Variants in CNTN1 observed in about 807,000 individuals in gnomAD.
The protein encoded by CNTN1 is contactin 1.
CNTN1 carries 38 observed loss-of-function variants against 126.4 expected under a neutral mutation model. The observed-to-expected ratio is 0.30, with a 90% CI of 0.23 to 0.39. The LOEUF (loss-of-function observed/expected upper bound fraction) is 0.39, where lower values mean the gene tolerates loss of function less well. Among genes scored for constraint, CNTN1 ranks in the 10% least tolerant of loss-of-function variants. CNTN1 has a pLI of 1.00. For synonymous variants in CNTN1, 413 were observed against 422.6 expected (o/e 0.98, Z 0.28); for missense variants, 1,009 against 1,248.4 (o/e 0.81, Z 2.89).
Position 40,993,263 on chromosome 12 carries a change from G to T in CNTN1, c.2107G>T (p.Gly703Cys). Reference protein sequence around the residue: ...SIPSNRIKTDGAAPNVAPSDV... With the variant: ...SIPSNRIKTDCAAPNVAPSDV... ...ACCATCTAACAGAATTAAAACAGACGGTGCTGGTATGTATATACAAGAAAC... is the reference window on the plus strand; with the variant it reads ...ACCATCTAACAGAATTAAAACAGACTGTGCTGGTATGTATATACAAGAAAC... The change falls in exon 17 of 24, where the codon GGT becomes TGT. Residue 703 changes from glycine (G) to cysteine (C), a missense_variant. Transcript: ENST00000551295. The T allele has an allele frequency of 2.5e-6, 4 of 1,613,354 alleles. No homozygotes were observed. The highest frequency in any genetic ancestry group is 3.4e-6 in the Non-Finnish European group (4 of 1,179,522).
intron 1 of CNTN1, among the ~76,000 whole-genome samples, chr12:40,894,631 T>C (rs764861547): frequency 6.6e-6 from 1 of 152,210 alleles, no homozygotes; most frequent in Admixed American, 6.5e-5. Context: ...GACCCATTTT[T>C]TCTCCAGTCC....
chr12:40,986,600 G>T (rs1947959762), intron 16 of CNTN1, among the ~76,000 whole-genome samples: 1 of 152,158 alleles, frequency 6.6e-6, no homozygotes, highest in Non-Finnish European at 1.5e-5. Context: ...CTGATAATCA[G>T]TCTAAAGCCC....
chr12:40,936,359 A>C (rs1357106723), intron 9 of CNTN1, among the ~76,000 whole-genome samples: 42 of 152,270 alleles, frequency 2.8e-4, no homozygotes, highest in African/African-American at 9.9e-4. Context: ...AAGATAATGT[A>C]TACCTGAGGG....
intron 23 of CNTN1, among the ~76,000 whole-genome samples, chr12:41,044,695 C>A (rs1206132858): frequency 6.6e-6 from 1 of 151,674 alleles, no homozygotes; most frequent in Non-Finnish European, 1.5e-5. Flanking sequence ...GGAGGAACTC[C>A]CATATATAGT....
chr12:40,712,230 C>A (rs1056202583), intron 1 of CNTN1, among the ~76,000 whole-genome samples: 1 of 151,968 alleles, frequency 6.6e-6, no homozygotes, highest in African/African-American at 2.4e-5. Flanking sequence ...AATTTTTCTT[C>A]TTGGAAAAAA....
At chr12:40,822,468 G>T (rs1313950337) in intron 1 of CNTN1, among the ~76,000 whole-genome samples, 1 of 151,968 alleles carries the variant, frequency 6.6e-6, no homozygotes, top group Admixed American at 6.6e-5. Flanking sequence ...TACATGTTAT[G>T]ATTGGAATTG....
chr12:40,944,531 T>C (rs1566005663), intron 14 of CNTN1, among the ~76,000 whole-genome samples: 1 of 152,058 alleles, frequency 6.6e-6, no homozygotes, highest in Non-Finnish European at 1.5e-5. Flanking sequence ...ATCTTTGTTA[T>C]AATGATGATC....
chr12:40,771,573 T>A (rs571072762), intron 1 of CNTN1, among the ~76,000 whole-genome samples: 1 of 152,088 alleles, frequency 6.6e-6, no homozygotes, highest in Non-Finnish European at 1.5e-5. Flanking sequence ...AAGTCCTCAA[T>A]TCAGGATTAG....
rs184016249 is a variant in CNTN1 at position 40,804,546 on chromosome 12, T to C, written c.-76-103811T>C. On this transcript the variant is annotated intron_variant, in intron 1 of 23. Coordinates refer to ENST00000551295, the MANE Select transcript of CNTN1 (RefSeq NM_001843.4). Reference sequence around the variant, plus strand: ...ATTAGACTGAGGGATTGCAGTCACATGCCTCTGTTAATAACAGGATGGGTT... The same window carrying C: ...ATTAGACTGAGGGATTGCAGTCACACGCCTCTGTTAATAACAGGATGGGTT... Among the ~76,000 whole-genome samples, 702 of 152,146 alleles carry C rather than the reference T, an allele frequency of 4.6e-3. 19 individuals carry two copies. The highest frequency in any genetic ancestry group is 1.5e-3 in the Non-Finnish European group (101 of 67,960).
intron 17 of CNTN1, among the ~76,000 whole-genome samples, chr12:40,996,174 T>C (rs2120542021): frequency 6.6e-6 from 1 of 152,174 alleles, no homozygotes; most frequent in South Asian, 2.1e-4. Flanking sequence ...CAGTGGCTCT[T>C]TTTTTGGAGT....
Position 40,739,545 on chromosome 12 carries a change from G to C in CNTN1, c.-77+46953G>C, listed in dbSNP as rs540588150. ...TACTTATACTAAATATTTATTCATTGTTTATCTGAAATTCAAACTTAACAG... is the reference window on the plus strand; with the variant it reads ...TACTTATACTAAATATTTATTCATTCTTTATCTGAAATTCAAACTTAACAG... On this transcript the variant is annotated intron_variant, in intron 1 of 23. Transcript: ENST00000551295. Among the ~76,000 whole-genome samples the C allele has an allele frequency of 2.6e-5, 4 of 152,050 alleles. No homozygotes were observed. The South Asian group carries it at 8.3e-4, about 32-fold the overall frequency.
chr12:41,024,897 A>G (rs528335562), intron 20 of CNTN1, among the ~76,000 whole-genome samples: 21 of 151,902 alleles, frequency 1.4e-4, no homozygotes, highest in Admixed American at 1.1e-3. Context: ...TTTATTTTTT[A>G]TTTTTTTTAG....
intron 1 of CNTN1, among the ~76,000 whole-genome samples, chr12:40,766,699 G>A (rs1939112497): frequency 6.6e-6 from 1 of 152,178 alleles, no homozygotes; most frequent in Non-Finnish European, 1.5e-5. Flanking sequence ...AGGTGGTGGT[G>A]GAGGATGAGA....
chr12:41,069,826 A>C, intron 23 of CNTN1, 133 bp from the exon 24 acceptor site: 2 of 733,490 alleles, frequency 2.7e-6, no homozygotes, highest in African/African-American at 1.7e-5. Flanking sequence ...TGTAAGAATA[A>C]GAGATTCTGT....
chr12:40,830,791 G>GTGTATATA (rs1334401189), intron 1 of CNTN1, among the ~76,000 whole-genome samples: 2 of 75,830 alleles, frequency 2.6e-5, no homozygotes, highest in East Asian at 4.4e-4. Flanking sequence ...AAAGTATAGT[G>GTGTATATA]TATATATATA....
chr12:40,871,186 G>GAAAAAAAAAAA (rs201485882), intron 1 of CNTN1, among the ~76,000 whole-genome samples: 5 of 113,506 alleles, frequency 4.4e-5, no homozygotes, highest in Admixed American at 2.1e-4. Flanking sequence ...CTGTTACAGA[G>GAAAAAAAAAAA]AAAAAAAAAA....
chr12:40,797,584 T>C (rs1475264373), intron 1 of CNTN1, among the ~76,000 whole-genome samples: 3 of 152,032 alleles, frequency 2.0e-5, no homozygotes, highest in Admixed American at 6.6e-5. Flanking sequence ...ATATGTATAA[T>C]AAGAAAACAT....
chr12:40,906,028 C>A (rs1341641611), intron 1 of CNTN1, among the ~76,000 whole-genome samples: 1 of 152,226 alleles, frequency 6.6e-6, no homozygotes, highest in African/African-American at 2.4e-5. Flanking sequence ...GTAATCCCAG[C>A]ACTTTGGGAG....
At chr12:41,037,709 T>C (rs1005562777) in intron 23 of CNTN1, among the ~76,000 whole-genome samples, 2 of 151,212 alleles carry the variant, frequency 1.3e-5, no homozygotes, top group Admixed American at 6.6e-5. Flanking sequence ...CACATATTTA[T>C]ATATAACATG....
Sources: gnomAD v4.1 joint callset for allele counts (sites outside exome capture counted in the v4.1 genomes callset) on GRCh38, gnomAD v4.1.1 for gene constraint, MANE v1.5 for transcripts, NCBI Gene and HGNC (gene_info 2026-07-23, HGNC 2026-07-21) for gene names.